GPBP1L1: variants seen among roughly 807,000 people sequenced by gnomAD.
GPBP1L1 encodes the protein vasculin-like protein 1.
GPBP1L1 carries 23 observed loss-of-function variants against 52.5 expected under a neutral mutation model. The observed-to-expected ratio is 0.44, with a 90% CI of 0.32 to 0.62. The LOEUF (loss-of-function observed/expected upper bound fraction) is 0.62. Among genes scored for constraint, GPBP1L1 ranks in the 20% least tolerant of loss-of-function variants. The pLI is 0.06. For missense variants in GPBP1L1, 596 were observed against 579.3 expected, an observed-to-expected ratio of 1.03 and a Z score of -0.30; for synonymous variants, 243 against 203.1, an observed-to-expected ratio of 1.20 and a Z score of -1.67.
intron 2 of GPBP1L1, among the ~76,000 whole-genome samples, chr1:45,664,382 C>T (rs1015853549): frequency 2.0e-5 from 3 of 149,976 alleles, no homozygotes; most frequent in Non-Finnish European, 4.4e-5. Flanking sequence ...CTGGCTAACA[C>T]GGTGAAACCC....
rs1181519313 is a variant in GPBP1L1 at position 45,628,021 on chromosome 1, TGA to T, written c.*233_*234del. 4 of 473,068 alleles carry T rather than the reference TGA, an allele frequency of 8.5e-6. No homozygotes were observed. Among genetic ancestry groups the T allele is most frequent in the South Asian group, 4.4e-5 (2 of 45,100 alleles). 29.3% of individuals were successfully genotyped at this position (473,068 alleles called of 1,614,324 possible). On this transcript the variant is annotated 3_prime_UTR_variant, in exon 13 of 13. Coordinates refer to ENST00000355105, the MANE Select transcript of GPBP1L1 (RefSeq NM_021639.5). Reference sequence around the variant, plus strand: ...CTGGGTGTGTATGTGTGTGTGTGTGTGAGTGTGTTTAAAAAATCTGTCCCACC... The same window carrying T: ...CTGGGTGTGTATGTGTGTGTGTGTGTGTGTGTTTAAAAAATCTGTCCCACC...
At chr1:45,657,618 C>T (rs1038004405) in intron 4 of GPBP1L1, among the ~76,000 whole-genome samples, 3 of 152,110 alleles carry the variant, frequency 2.0e-5, no homozygotes, top group Non-Finnish European at 4.4e-5. Flanking sequence ...CTTTTGGAGG[C>T]TGAGGTGACA....
intron 1 of GPBP1L1, among the ~76,000 whole-genome samples, chr1:45,685,954 T>C (rs1645276213): frequency 6.6e-6 from 1 of 152,134 alleles, no homozygotes; most frequent in Admixed American, 6.5e-5. Flanking sequence ...AAAACTTTTT[T>C]CCCCTCAGAT....
Position 45,660,978 on chromosome 1 carries a change from T to G in GPBP1L1, c.-850A>C, listed in dbSNP as rs1310586860. On this transcript the variant is annotated 5_prime_UTR_variant, in exon 3 of 13. It removes the in-frame stop codon of an upstream open reading frame in the 5' UTR. Transcript: ENST00000355105. ...TACTATTTATAAATTCAGAGCAAAG[T>G]TAAAACATTAGAACGATGGGTAGGA... is the stretch of plus-strand genomic sequence containing the variant. The G allele has an allele frequency of 6.6e-6, 1 of 152,198 alleles. No homozygotes were observed. Among genetic ancestry groups the G allele is most frequent in the Non-Finnish European group, 1.5e-5 (1 of 68,028 alleles). 9.4% of individuals were successfully genotyped at this position (152,198 alleles called of 1,614,324 possible). A position where few individuals can be genotyped will look rare whatever the true frequency, so the allele number is the denominator to read the frequency against.
intron 6 of GPBP1L1, among the ~76,000 whole-genome samples, chr1:45,645,435 G>C (rs1644731588): frequency 6.6e-6 from 1 of 152,132 alleles, no homozygotes. Context: ...ACAAAGTATA[G>C]AATATCATAT....
chr1:45,634,185 A>C lies in GPBP1L1; in HGVS notation c.796T>G (p.Ser266Ala). 2 of 1,613,882 alleles carry C rather than the reference A, an allele frequency of 1.2e-6. No individual in the cohort carries two copies. Among genetic ancestry groups the C allele is most frequent in the Non-Finnish European group, 1.7e-6 (2 of 1,179,788 alleles). The change falls in exon 9 of 13, where the codon TCT (serine) becomes GCT (alanine). Residue 266 changes from serine (S) to alanine (A), a missense_variant. Ser to Ala is a moderately conservative substitution (Grantham distance 99). Coordinates refer to ENST00000355105, the MANE Select transcript of GPBP1L1 (RefSeq NM_021639.5). ...CTGGTAAAAGCAGACTCCCGGCTAG[A>C]GGAAAGGGATCCTGACTTGTGCTCC... ...RMEHKSGSLS[S>A]SRESAFTSPI...
At chr1:45,673,358 C>T (rs1645097862) in intron 2 of GPBP1L1, among the ~76,000 whole-genome samples, 1 of 152,184 alleles carries the variant, frequency 6.6e-6, no homozygotes, top group African/African-American at 2.4e-5. Context: ...GAAGAATGAA[C>T]TACAGAGATA....
At chr1:45,668,263 G>T (rs369508727) in intron 2 of GPBP1L1, among the ~76,000 whole-genome samples, 1 of 152,096 alleles carries the variant, frequency 6.6e-6, no homozygotes, top group Non-Finnish European at 1.5e-5. Flanking sequence ...AAAGATATGC[G>T]CTGAAATAAG....
chr1:45,634,012 A>C (rs1173771765), intron 9 of GPBP1L1, 84 bp downstream of exon 9: 1 of 1,325,650 alleles, frequency 7.5e-7, no homozygotes, highest in Non-Finnish European at 1.0e-6. Context: ...AACAAGTGTC[A>C]CAGCTATACA....
intron 2 of GPBP1L1, among the ~76,000 whole-genome samples, chr1:45,664,222 A>C (rs1445854513): frequency 6.6e-6 from 1 of 152,162 alleles, no homozygotes; most frequent in Admixed American, 6.5e-5. Flanking sequence ...CGGGAGGCTG[A>C]GTCAGGAGAA....
chr1:45,665,743 TAAAAAAAA>T (rs949281797), intron 2 of GPBP1L1, among the ~76,000 whole-genome samples: 1,560 of 109,686 alleles, frequency 0.014, 29 homozygotes, highest in African/African-American at 0.048. Flanking sequence ...GACGCCGTCT[TAAAAAAAA>T]AAAAAAAAAA....
intron 4 of GPBP1L1, among the ~76,000 whole-genome samples, chr1:45,656,533 G>A (rs528907625): frequency 9.1e-4 from 139 of 152,226 alleles, no homozygotes; most frequent in Non-Finnish European, 1.3e-3. Flanking sequence ...TGTGTATGAA[G>A]CAAAGGCTGA....
At chr1:45,669,090 T>C (rs1447921920) in intron 2 of GPBP1L1, among the ~76,000 whole-genome samples, 2 of 152,284 alleles carry the variant, frequency 1.3e-5, no homozygotes, top group African/African-American at 4.8e-5. Context: ...GTTTCCATTC[T>C]ATCTATACTA....
chr1:45,634,408 A>G, intron 8 of GPBP1L1, 172 bp from the exon 9 acceptor site: 1 of 556,948 alleles, frequency 1.8e-6, no homozygotes, highest in South Asian at 3.7e-5. Flanking sequence ...AGGCACTTCA[A>G]GGAAAATGGT....
upstream of GPBP1L1, chr1:45,687,018 T>A (rs530850236): frequency 6.6e-6 from 1 of 152,426 alleles, no homozygotes; most frequent in Non-Finnish European, 1.5e-5. Flanking sequence ...CAAACCGGTT[T>A]CGGAGGAACG....
In GPBP1L1 at chr1:45,654,843, G is replaced by C; in HGVS notation, c.191-14C>G. The C allele has an allele frequency of 6.2e-7, 1 of 1,609,996 alleles. No individual in the cohort carries two copies. The highest frequency in any genetic ancestry group is 8.5e-7 in the Non-Finnish European group (1 of 1,177,856). ...GGTGCCAAGAATCTAGAATAGTAAAGAAAAGGACTAATTAGATTGTTTGCT... is the reference window on the plus strand; with the variant it reads ...GGTGCCAAGAATCTAGAATAGTAAACAAAAGGACTAATTAGATTGTTTGCT... On this transcript the variant is annotated splice_polypyrimidine_tract_variant and intron_variant, in intron 5 of 12. Coordinates refer to ENST00000355105, the MANE Select transcript of GPBP1L1 (RefSeq NM_021639.5).
chr1:45,654,971 A>T, intron 5 of GPBP1L1, 142 bp from the exon 6 acceptor site: 1 of 1,012,074 alleles, frequency 9.9e-7, no homozygotes, highest in Non-Finnish European at 1.4e-6. Context: ...TTTGTGAGGT[A>T]ATTTCTGAAA....
intron 12 of GPBP1L1, 61 bp from the exon 13 acceptor site, chr1:45,628,469 T>C (rs1644486553): frequency 6.5e-7 from 1 of 1,531,208 alleles, no homozygotes; most frequent in Admixed American, 1.8e-5. Context: ...TACTGACCCA[T>C]AAGCCCTGGG....
rs1335603206 is a variant in GPBP1L1 at position 45,661,064 on chromosome 1, GT to G, written c.-937del. Reference sequence around the variant, plus strand: ...CCAAAATGAGGATTTCTTCTCTTCAGTTTTCTGTGTTTCACTTGTTCTGCTC... The same window carrying G: ...CCAAAATGAGGATTTCTTCTCTTCAGTTTCTGTGTTTCACTTGTTCTGCTC... On this transcript the variant is annotated 5_prime_UTR_variant, in exon 3 of 13. Transcript: ENST00000355105. 1.3e-5 allele frequency: 2 copies of G among 152,176 alleles called. No homozygotes were observed. Among genetic ancestry groups the G allele is most frequent in the Non-Finnish European group, 2.9e-5 (2 of 68,032 alleles). The allele number at this position is 152,176 out of a possible 1,614,324, so 9.4% of individuals were successfully genotyped here. A position where few individuals can be genotyped will look rare whatever the true frequency, so the allele number is the denominator to read the frequency against.
Sources: gnomAD v4.1 joint callset for allele counts (sites outside exome capture counted in the v4.1 genomes callset) on GRCh38, gnomAD v4.1.1 for gene constraint, MANE v1.5 for transcripts, NCBI Gene and HGNC (gene_info 2026-07-23, HGNC 2026-07-21) for gene names.